Variants in ARHGAP42 observed in about 807,000 individuals in gnomAD.
The protein encoded by ARHGAP42 is Rho GTPase activating protein 42.
Under a neutral mutation model 125.0 loss-of-function variants are expected in ARHGAP42, and 63 were observed. That is an observed-to-expected ratio of 0.50 (90% CI 0.41 to 0.62). The LOEUF (loss-of-function observed/expected upper bound fraction) is 0.62, where lower values mean the gene tolerates loss of function less well. Ranked by LOEUF, ARHGAP42 falls within the 20% of genes least tolerant of loss-of-function variation. The pLI is 0.00. For synonymous variants in ARHGAP42, 339 were observed against 351.0 expected (o/e 0.97, Z 0.38); for missense variants, 766 against 1,024.2 (o/e 0.75, Z 3.44).
intron 15 of ARHGAP42, 72 bp downstream of exon 15, chr11:100,961,840 T>G: frequency 7.8e-7 from 1 of 1,282,084 alleles, no homozygotes. Flanking sequence ...ACCACGTGAT[T>G]TCTTGGAGCC....
intron 4 of ARHGAP42, among the ~76,000 whole-genome samples, chr11:100,907,406 G>A (rs1468592671): frequency 6.6e-6 from 1 of 152,192 alleles, no homozygotes. Context: ...TTACCTGGTG[G>A]TGGTGGCAAT....
chr11:100,961,880 G>T (rs1857965073), intron 15 of ARHGAP42, 112 bp downstream of exon 15: 1 of 759,856 alleles, frequency 1.3e-6, no homozygotes, highest in Non-Finnish European at 2.1e-6. Flanking sequence ...CAGTAGCTCA[G>T]TTCCCTTACA....
At chr11:100,876,758 C>G (rs1865832442) in intron 4 of ARHGAP42, among the ~76,000 whole-genome samples, 1 of 152,150 alleles carries the variant, frequency 6.6e-6, no homozygotes, top group Non-Finnish European at 1.5e-5. Context: ...CATTTATATT[C>G]ATCATAGTAA....
intron 3 of ARHGAP42, among the ~76,000 whole-genome samples, chr11:100,858,620 A>G (rs905583324): frequency 7.9e-5 from 12 of 152,182 alleles, no homozygotes; most frequent in African/African-American, 2.4e-4. Flanking sequence ...AAAAGGTTAG[A>G]AAAATAGTAC....
intron 8 of ARHGAP42, among the ~76,000 whole-genome samples, chr11:100,940,426 T>C (rs1055475257): frequency 3.9e-5 from 6 of 152,112 alleles, no homozygotes; most frequent in East Asian, 1.9e-4. Flanking sequence ...CAGTCCACTA[T>C]GGTGTTTGGG....
At chr11:100,762,652 T>C (rs189789507) in intron 1 of ARHGAP42, among the ~76,000 whole-genome samples, 1 of 152,204 alleles carries the variant, frequency 6.6e-6, no homozygotes, top group Non-Finnish European at 1.5e-5. Flanking sequence ...TTTAAAACTT[T>C]GTTCAAGTAA....
intron 1 of ARHGAP42, among the ~76,000 whole-genome samples, chr11:100,769,968 G>A (rs1764251216): frequency 6.6e-6 from 1 of 151,926 alleles, no homozygotes. Flanking sequence ...CATCCTGGCT[G>A]TGTATCCTGG....
At chr11:100,938,017 G>A (rs1867780565) in intron 8 of ARHGAP42, among the ~76,000 whole-genome samples, 2 of 150,892 alleles carry the variant, frequency 1.3e-5, no homozygotes, top group Admixed American at 6.7e-5. Flanking sequence ...ATTCTAGACT[G>A]ATGATAAAGC....
At chr11:100,702,245 G>A (rs1263199603) in intron 1 of ARHGAP42, among the ~76,000 whole-genome samples, 5 of 152,152 alleles carry the variant, frequency 3.3e-5, no homozygotes, top group East Asian at 3.8e-4. Context: ...ATATTGTTGT[G>A]TCTCAGAGAA....
chr11:100,828,058 G>C (rs1864567705), intron 3 of ARHGAP42, among the ~76,000 whole-genome samples: 1 of 152,304 alleles, frequency 6.6e-6, no homozygotes, highest in Non-Finnish European at 1.5e-5. Flanking sequence ...TCACTGAGCA[G>C]GTGAAAAATG....
chr11:100,759,122 A>C (rs183632887), intron 1 of ARHGAP42, among the ~76,000 whole-genome samples: 65 of 152,196 alleles, frequency 4.3e-4, no homozygotes, highest in African/African-American at 1.2e-3. Context: ...TTAGCAGGTA[A>C]AAATGTCCGG....
intron 2 of ARHGAP42, among the ~76,000 whole-genome samples, chr11:100,780,836 A>G (rs1391484066): frequency 6.6e-6 from 1 of 152,222 alleles, no homozygotes; most frequent in Non-Finnish European, 1.5e-5. Context: ...TGAAGTCACA[A>G]TTGTTTTGAA....
chr11:100,879,735 C>T (rs554667082), intron 4 of ARHGAP42, among the ~76,000 whole-genome samples: 23 of 152,324 alleles, frequency 1.5e-4, no homozygotes, highest in South Asian at 8.3e-4. Context: ...TCACCACTGC[C>T]TCCTCTCTTC....
At chr11:100,933,327 T>A in intron 7 of ARHGAP42, 67 bp downstream of exon 7, 2 of 1,179,412 alleles carry the variant, frequency 1.7e-6, no homozygotes, top group Non-Finnish European at 2.3e-6. Context: ...GGGCAACTAA[T>A]TACAATTTTT....
intron 1 of ARHGAP42, among the ~76,000 whole-genome samples, chr11:100,762,857 C>T (rs939694295): frequency 4.6e-5 from 7 of 151,700 alleles, no homozygotes; most frequent in Non-Finnish European, 7.4e-5. Context: ...TATTCTGCTA[C>T]GTACATTACT....
At chr11:100,879,033 A>G (rs886530885) in intron 4 of ARHGAP42, among the ~76,000 whole-genome samples, 7 of 151,272 alleles carry the variant, frequency 4.6e-5, no homozygotes, top group African/African-American at 1.7e-4. Context: ...AGTGTGGTTT[A>G]GTTTGAGGTA....
At chr11:100,980,934 C>A (rs2099252566) in intron 22 of ARHGAP42, among the ~76,000 whole-genome samples, 1 of 152,126 alleles carries the variant, frequency 6.6e-6, no homozygotes, top group African/African-American at 2.4e-5. Context: ...TAGTGGGGAT[C>A]AGCATAAACT....
At chr11:100,776,277 T>C (rs1242042010) in intron 2 of ARHGAP42, among the ~76,000 whole-genome samples, 2 of 152,212 alleles carry the variant, frequency 1.3e-5, no homozygotes, top group Admixed American at 6.5e-5. Flanking sequence ...CATTGGAAAG[T>C]CCAGTTGCGA....
chr11:100,836,667 T>C (rs1228004896), intron 3 of ARHGAP42, among the ~76,000 whole-genome samples: 1 of 151,792 alleles, frequency 6.6e-6, no homozygotes, highest in Admixed American at 6.6e-5. Context: ...TAGGTTTCTC[T>C]TTTAAATGTA....
Sources: gnomAD v4.1 joint callset for allele counts (sites outside exome capture counted in the v4.1 genomes callset) on GRCh38, gnomAD v4.1.1 for gene constraint, MANE v1.5 for transcripts, NCBI Gene and HGNC (gene_info 2026-07-23, HGNC 2026-07-21) for gene names.